Variants in DACH2 observed in about 807,000 individuals in gnomAD.
DACH2 encodes the protein dachshund homolog 2.
A neutral mutation model predicts 35.8 loss-of-function variants in DACH2; 17 were observed. The observed-to-expected ratio is 0.48, with a 90% CI of 0.33 to 0.71. The LOEUF is 0.71. Among genes scored for constraint, DACH2 ranks in the 30% least tolerant of loss-of-function variants. The pLI, the probability that DACH2 is intolerant of heterozygous loss-of-function variation, is 0.02. For synonymous variants in DACH2, 195 were observed against 177.3 expected (o/e 1.10, Z -0.79); for missense variants, 469 against 472.7 (o/e 0.99, Z 0.07).
intron 2 of DACH2, among the ~76,000 whole-genome samples, chrX:86,491,903 C>T (rs984865677): frequency 9.0e-6 from 1 of 111,547 alleles, no homozygotes; most frequent in Non-Finnish European, 1.9e-5. Flanking sequence ...CTATATTTTG[C>T]ATTTTCTTTT....
chrX:86,276,646 A>G (rs150278676), intron 1 of DACH2, among the ~76,000 whole-genome samples: 1 of 111,705 alleles, frequency 9.0e-6, no homozygotes, highest in East Asian at 2.8e-4. Context: ...GTTTTCTTGT[A>G]GTATTTTCAT....
intron 3 of DACH2, among the ~76,000 whole-genome samples, chrX:86,642,060 T>A (rs1209054179): frequency 9.0e-6 from 1 of 111,442 alleles, no homozygotes; most frequent in Non-Finnish European, 1.9e-5. Flanking sequence ...CAAGCCAACA[T>A]AGTTACCAGC....
At chrX:86,570,200 C>G (rs2039347616) in intron 3 of DACH2, among the ~76,000 whole-genome samples, 1 of 111,332 alleles carries the variant, frequency 9.0e-6, no homozygotes, top group Non-Finnish European at 1.9e-5. Flanking sequence ...AGATTTAGAA[C>G]TGGAAATACC....
chrX:86,539,455 G>T (rs984262452), intron 3 of DACH2, among the ~76,000 whole-genome samples: 1 of 111,645 alleles, frequency 9.0e-6, no homozygotes, highest in African/African-American at 3.3e-5. Flanking sequence ...AATTGCAGAT[G>T]TGTTTTATTA....
At chrX:86,242,258 G>C (rs1325446291) in intron 1 of DACH2, among the ~76,000 whole-genome samples, 1 of 112,268 alleles carries the variant, frequency 8.9e-6, no homozygotes, top group Non-Finnish European at 1.9e-5. Flanking sequence ...ACAGGGGTGG[G>C]GCTTCCCAAG....
chrX:86,229,005 A>G (rs952959741), intron 1 of DACH2, among the ~76,000 whole-genome samples: 1 of 111,577 alleles, frequency 9.0e-6, no homozygotes, highest in African/African-American at 3.3e-5. Flanking sequence ...TTTTATTGCA[A>G]TTGCTTTTGG....
chrX:86,270,591 G>T (rs777479802), intron 1 of DACH2, among the ~76,000 whole-genome samples: 5 of 111,667 alleles, frequency 4.5e-5, no homozygotes, highest in Non-Finnish European at 7.5e-5. Flanking sequence ...GCTTTATGAG[G>T]TTAATTCCTC....
chrX:86,596,179 G>A (rs1167889964), intron 3 of DACH2, among the ~76,000 whole-genome samples: 1 of 111,631 alleles, frequency 9.0e-6, no homozygotes, highest in Non-Finnish European at 1.9e-5. Context: ...GACATTTGCT[G>A]CTATAAACAT....
In DACH2 at chrX:86,317,392, T is replaced by A. The variant is rs182340134; in HGVS notation, c.489-59432T>A. On this transcript the variant is annotated intron_variant, in intron 1 of 11. Transcript: ENST00000373125. Reference sequence around the variant, plus strand: ...CAGAACTAGAACATTGTTCAAGATTTTCTACATTACCCATCCCTTTTTGTT... The same window carrying A: ...CAGAACTAGAACATTGTTCAAGATTATCTACATTACCCATCCCTTTTTGTT... 8.9e-5 allele frequency among the ~76,000 whole-genome samples: 10 copies of A among 111,973 alleles called. No homozygotes were observed. In the East Asian group the frequency reaches 2.3e-3, roughly 25 times the overall value.
At chrX:86,154,424 A>G (rs1309575888) in intron 1 of DACH2, among the ~76,000 whole-genome samples, 2 of 111,465 alleles carry the variant, frequency 1.8e-5, no homozygotes, top group African/African-American at 6.5e-5. Context: ...CTTTGGTTGC[A>G]TTTATTTCCT....
chrX:86,285,681 G>A lies in DACH2; in HGVS notation c.489-91143G>A, dbSNP rs1007578267. 8.1e-5 allele frequency among the ~76,000 whole-genome samples: 9 copies of A among 111,131 alleles called. No homozygotes were observed. In the East Asian group the frequency reaches 1.4e-3, roughly 17 times the overall value. On this transcript the variant is annotated intron_variant, in intron 1 of 11. Transcript: ENST00000373125. ...CTGTAAATATCTATTATGTTCATTC[G>A]GCCTATAAGTGCAGATTATGTCCAT...
intron 3 of DACH2, among the ~76,000 whole-genome samples, chrX:86,619,451 C>T (rs911988312): frequency 2.7e-5 from 3 of 111,805 alleles, no homozygotes; most frequent in African/African-American, 9.7e-5. Flanking sequence ...GGGACAAGAG[C>T]GGATATAGCA....
At chrX:86,194,920 C>T (rs1377937587) in intron 1 of DACH2, among the ~76,000 whole-genome samples, 1 of 112,517 alleles carries the variant, frequency 8.9e-6, no homozygotes, top group Non-Finnish European at 1.9e-5. Context: ...TCTCCCGGGG[C>T]CCCATCCTGG....
chrX:86,348,554 A>C (rs1253341791), intron 1 of DACH2, among the ~76,000 whole-genome samples: 1 of 111,904 alleles, frequency 8.9e-6, no homozygotes, highest in Non-Finnish European at 1.9e-5. Flanking sequence ...CATCATCTGC[A>C]AAATTCATAT....
intron 2 of DACH2, among the ~76,000 whole-genome samples, chrX:86,491,382 AG>A (rs2038090931): frequency 8.9e-6 from 1 of 111,978 alleles, no homozygotes; most frequent in Admixed American, 9.5e-5. Flanking sequence ...TTGAAATACA[AG>A]GACCTCTAAT....
chrX:86,569,200 G>A lies in DACH2; in HGVS notation c.640+54809G>A, dbSNP rs776442842. On this transcript the variant is annotated intron_variant, in intron 3 of 11. Coordinates refer to ENST00000373125, the MANE Select transcript of DACH2 (RefSeq NM_053281.3). ...AAGCACCTTTTCCCAAAGTAAGTTA[G>A]ATTTGGTTTGTGATAATAACGTGTT... Among the ~76,000 whole-genome samples, 4 of 110,986 alleles carry A rather than the reference G, an allele frequency of 3.6e-5. No homozygotes were observed. The South Asian group carries it at 1.5e-3, about 42-fold the overall frequency.
At chrX:86,193,656 A>G (rs2031893664) in intron 1 of DACH2, among the ~76,000 whole-genome samples, 1 of 111,322 alleles carries the variant, frequency 9.0e-6, no homozygotes, top group Admixed American at 9.7e-5. Context: ...TTTTGAATAC[A>G]GACTATGACT....
chrX:86,800,162 GT>G (rs769863332), intron 7 of DACH2, among the ~76,000 whole-genome samples: 216 of 112,335 alleles, frequency 1.9e-3, no homozygotes, highest in Middle Eastern at 4.6e-3. Flanking sequence ...TAATTGAAAA[GT>G]TTTTTGAAAA....
chrX:86,331,598 G>C (rs2035214553), intron 1 of DACH2, among the ~76,000 whole-genome samples: 1 of 111,395 alleles, frequency 9.0e-6, no homozygotes, highest in African/African-American at 3.3e-5. Flanking sequence ...TTTTACAAAA[G>C]GGGAAAATGG....
Sources: gnomAD v4.1 joint callset for allele counts (sites outside exome capture counted in the v4.1 genomes callset) on GRCh38, gnomAD v4.1.1 for gene constraint, MANE v1.5 for transcripts, NCBI Gene and HGNC (gene_info 2026-07-23, HGNC 2026-07-21) for gene names.